DMD: variants seen among roughly 807,000 people sequenced by gnomAD.
The protein encoded by DMD is dystrophin.
Under a neutral mutation model 330.1 loss-of-function variants are expected in DMD, and 63 were observed. The observed-to-expected ratio is 0.19, with a 90% CI of 0.16 to 0.24. The LOEUF is 0.24. DMD is among the 10% of genes least tolerant of loss of function. DMD has a pLI of 1.00. For missense variants in DMD, 3,344 were observed against 2,684.1 expected (o/e 1.25, Z -5.43); for synonymous variants, 1,223 against 959.8 (o/e 1.27, Z -5.07).
At chrX:33,307,965 A>G (rs2053789410) in intron 1 of DMD, among the ~76,000 whole-genome samples, 2 of 112,227 alleles carry the variant, frequency 1.8e-5, no homozygotes, top group Non-Finnish European at 3.8e-5. Context: ...TGTGAGGCAT[A>G]AACATAAATC....
intron 2 of DMD, among the ~76,000 whole-genome samples, chrX:32,859,658 A>C (rs1281245400): frequency 9.0e-6 from 1 of 111,693 alleles, no homozygotes; most frequent in East Asian, 2.8e-4. Flanking sequence ...AAACTGGTGA[A>C]TGCAGATGGT....
chrX:32,967,071 C>A (rs893723717), intron 2 of DMD, among the ~76,000 whole-genome samples: 8 of 111,719 alleles, frequency 7.2e-5, no homozygotes, highest in African/African-American at 2.6e-4. Flanking sequence ...ACAAAGCACT[C>A]CCGTAGGTAC....
intron 1 of DMD, among the ~76,000 whole-genome samples, chrX:33,103,473 C>T (rs1000792755): frequency 3.6e-5 from 4 of 110,984 alleles, no homozygotes; most frequent in African/African-American, 1.3e-4. Context: ...TGTGAAATTC[C>T]TTCTCCTGGC....
intron 52 of DMD, among the ~76,000 whole-genome samples, chrX:31,706,586 T>C (rs1477408461): frequency 9.0e-6 from 1 of 111,555 alleles, no homozygotes; most frequent in Non-Finnish European, 1.9e-5. Context: ...GACTCTAGTT[T>C]TCCTATATTC....
chrX:33,087,194 C>T (rs1419353326), intron 1 of DMD, among the ~76,000 whole-genome samples: 1 of 111,435 alleles, frequency 9.0e-6, no homozygotes, highest in Non-Finnish European at 1.9e-5. Flanking sequence ...TCAGAGGATT[C>T]CTGTGTAATT....
chrX:32,026,839 T>C (rs2095848643), intron 44 of DMD, among the ~76,000 whole-genome samples: 2 of 111,747 alleles, frequency 1.8e-5, no homozygotes, highest in African/African-American at 3.3e-5. Context: ...TCAGGGACTC[T>C]GAGTCCTTCC....
At position 31,441,622 on chromosome X, in the gene DMD, T is replaced by TA. The variant is rs1556640077; in HGVS notation, c.9084+2858dup. ...ACTAAATTCTTTATTTTCATAGAAA[T>TA]ATGTCTTTTTTGACATTTACTATTT... On this transcript the variant is annotated intron_variant, in intron 60 of 78. Transcript: ENST00000357033. 6.3e-5 allele frequency among the ~76,000 whole-genome samples: 7 copies of TA among 111,617 alleles called. No homozygotes were observed. In the South Asian group the frequency reaches 2.6e-3, roughly 41 times the overall value.
chrX:31,695,986 T>A (rs1399426502), intron 52 of DMD, among the ~76,000 whole-genome samples: 1 of 111,689 alleles, frequency 9.0e-6, no homozygotes, highest in African/African-American at 3.2e-5. Context: ...TTAGCCTGAT[T>A]TGATTATTCC....
Position 32,816,475 on chromosome X carries a change from T to C in DMD, c.523A>G (p.Ser175Gly), listed in dbSNP as rs1326333403. Residue 175 changes from serine to glycine, a missense_variant, in exon 6 of 79, where the codon AGT (serine) becomes GGT (glycine). Ser to Gly is a moderately conservative substitution (Grantham distance 56). Coordinates refer to ENST00000357033, the MANE Select transcript of DMD (RefSeq NM_004006.3). The stretch of plus-strand genomic sequence containing the variant: ...TCTCAGTAATCTTCTTACCTATGAC[T>C]ATGGATGAGAGCATTCAAAGCCAGG... ...DGLALNALIH[S>G]HRPDLFDWNS... 1 of 1,211,412 alleles carries C rather than the reference T, an allele frequency of 8.3e-7. No individual in the cohort carries two copies. Among genetic ancestry groups the C allele is most frequent in the Non-Finnish European group, 1.1e-6 (1 of 895,126 alleles).
chrX:31,812,449 GGA>G (rs1397932647), intron 50 of DMD, among the ~76,000 whole-genome samples: 6 of 104,836 alleles, frequency 5.7e-5, no homozygotes, highest in Admixed American at 3.1e-4. Context: ...GATAGCATTA[GGA>G]GATATACCTA....
At chrX:32,734,399 C>T (rs2068136645) in intron 7 of DMD, among the ~76,000 whole-genome samples, 3 of 103,192 alleles carry the variant, frequency 2.9e-5, no homozygotes, top group South Asian at 8.5e-4. Context: ...AGGGAATCCT[C>T]CCTAACTCAT....
chrX:32,007,403 G>A (rs186629084), intron 44 of DMD, among the ~76,000 whole-genome samples: 2 of 109,660 alleles, frequency 1.8e-5, no homozygotes, highest in Non-Finnish European at 3.8e-5. Context: ...AGCCTTCAGA[G>A]GGATAATTGA....
At chrX:31,680,817 A>AT (rs1376530581) in intron 52 of DMD, among the ~76,000 whole-genome samples, 1 of 112,109 alleles carries the variant, frequency 8.9e-6, no homozygotes, top group Non-Finnish European at 1.9e-5. Flanking sequence ...TTCTTTTCAA[A>AT]TATTAAAATA....
chrX:32,888,238 C>T (rs2084860156), intron 2 of DMD, among the ~76,000 whole-genome samples: 1 of 110,083 alleles, frequency 9.1e-6, no homozygotes, highest in Non-Finnish European at 1.9e-5. Context: ...CTGCATCTAT[C>T]AACCCGTCAT....
chrX:32,921,111 G>C (rs1267749145), intron 2 of DMD, among the ~76,000 whole-genome samples: 3 of 111,617 alleles, frequency 2.7e-5, no homozygotes, highest in Non-Finnish European at 5.7e-5. Flanking sequence ...TTTAAATATG[G>C]TCAAGAATGT....
intron 64 of DMD, among the ~76,000 whole-genome samples, chrX:31,212,160 ATATATATGTGTGTGTG>A (rs200933505): frequency 2.5e-4 from 22 of 87,249 alleles, no homozygotes; most frequent in Admixed American, 3.9e-4. Context: ...ATATATATAT[ATATATATGTGTGTGTG>A]TATGTGTGTG....
At chrX:32,499,065 A>T (rs1374204751) in intron 19 of DMD, among the ~76,000 whole-genome samples, 1 of 112,157 alleles carries the variant, frequency 8.9e-6, no homozygotes, top group African/African-American at 3.2e-5. Flanking sequence ...AATATGTCTG[A>T]TGTACCATTT....
intron 1 of DMD, among the ~76,000 whole-genome samples, chrX:33,277,878 C>T (rs1445783576): frequency 1.8e-5 from 2 of 110,851 alleles, no homozygotes; most frequent in Non-Finnish European, 3.8e-5. Flanking sequence ...GAAGTCAAGG[C>T]GGGAGGATCG....
chrX:33,244,940 G>T (rs750923004), intron 1 of DMD, among the ~76,000 whole-genome samples: 1 of 111,893 alleles, frequency 8.9e-6, no homozygotes, highest in South Asian at 3.7e-4. Context: ...TTATTTGTGA[G>T]TTAAATAACT....
Sources: gnomAD v4.1 joint callset for allele counts (sites outside exome capture counted in the v4.1 genomes callset) on GRCh38, gnomAD v4.1.1 for gene constraint, MANE v1.5 for transcripts, NCBI Gene and HGNC (gene_info 2026-07-23, HGNC 2026-07-21) for gene names.